The following MYH11 variants were observed in gnomAD, a reference collection of about 807,000 sequenced individuals.
MYH11 encodes myosin heavy chain 11.
In MYH11, 80 loss-of-function variants were observed where a neutral mutation model predicts 246.6. The observed-to-expected ratio is 0.32, with a 90% CI of 0.27 to 0.39. The LOEUF (loss-of-function observed/expected upper bound fraction) is 0.39, where lower values mean the gene tolerates loss of function less well. Among genes scored for constraint, MYH11 ranks in the 10% least tolerant of loss-of-function variants. MYH11 has a pLI of 1.00. For synonymous variants in MYH11, 1,071 were observed against 1,015.5 expected, an observed-to-expected ratio of 1.05 and a Z score of -1.04; for missense variants, 2,158 against 2,546.8, an observed-to-expected ratio of 0.85 and a Z score of 3.29.
rs767851663 is a variant in MYH11, at chr16:15,720,324, A to G, written c.4792-12T>C. ...TCATACTCGTGAAGCTGGGCGAGGA[A>G]TAGAGATGTGTGCTGCCCCACTTGC... On this transcript the variant is annotated splice_polypyrimidine_tract_variant and intron_variant, in intron 33 of 40. Transcript: ENST00000300036. 9.9e-6 allele frequency: 16 copies of G among 1,612,548 alleles called. No individual in the cohort carries two copies. The South Asian group carries it at 1.3e-4, about 13-fold the overall frequency.
intron 9 of MYH11, among the ~76,000 whole-genome samples, chr16:15,765,156 GATGA>G (rs2041954062): frequency 6.6e-6 from 1 of 152,192 alleles, no homozygotes; most frequent in Non-Finnish European, 1.5e-5. Context: ...TGGATGGATG[GATGA>G]ATGAATAAAT....
rs534870685 is a variant in MYH11 at position 15,733,101 on chromosome 16, G to A, written c.3507-393C>T. 5 of 278,944 alleles carry A rather than the reference G, an allele frequency of 1.8e-5. No homozygotes were observed. In the South Asian group the frequency reaches 1.8e-4, roughly 10 times the overall value. The allele number at this position is 278,944 out of a possible 1,614,324, so 17.3% of individuals were successfully genotyped here. On this transcript the variant is annotated intron_variant, in intron 26 of 40. Coordinates refer to ENST00000300036, the MANE Select transcript of MYH11 (RefSeq NM_002474.3). ...TCCTCAGAGCAACCCAAAGAGGCAGGTGTGTTATTATTTCCATTTTACAAA... is the reference window on the plus strand; with the variant it reads ...TCCTCAGAGCAACCCAAAGAGGCAGATGTGTTATTATTTCCATTTTACAAA...
At chr16:15,853,164 G>C (rs1038111195) in intron 1 of MYH11, among the ~76,000 whole-genome samples, 1 of 151,242 alleles carries the variant, frequency 6.6e-6, no homozygotes, top group Non-Finnish European at 1.5e-5. Context: ...CCTTTTTTTT[G>C]AGACAGAGTC....
chr16:15,734,189 TACAC>T, intron 26 of MYH11, among the ~76,000 whole-genome samples: 1 of 152,228 alleles, frequency 6.6e-6, no homozygotes. Flanking sequence ...ACAAAAGTGA[TACAC>T]ACACATACTT....
At chr16:15,766,344 G>GGT (rs3073439) in intron 9 of MYH11, among the ~76,000 whole-genome samples, 10,667 of 136,584 alleles carry the variant, frequency 0.078, 416 homozygotes, top group South Asian at 0.12. Flanking sequence ...CATGTTTTTT[G>GGT]GTGTGTGTGT....
chr16:15,784,713 G>C, intron 5 of MYH11: 1 of 1,613,862 alleles, frequency 6.2e-7, no homozygotes, highest in South Asian at 1.1e-5. Context: ...CAAAAGATGG[G>C]CCTTGCTGTG....
rs755544024 is a variant in MYH11 at position 15,759,684 on chromosome 16, G to T, written c.1293C>A (p.Arg431=). The T allele has an allele frequency of 3.1e-6, 5 of 1,614,216 alleles. No homozygotes were observed. Among genetic ancestry groups the T allele is most frequent in the South Asian group, 1.1e-5 (1 of 91,084 alleles). The change falls in exon 12 of 41, where the codon CGC becomes CGA. Residue 431 remains arginine (R), a synonymous_variant. Transcript: ENST00000300036. The part of the protein sequence containing the change: ...VEALAKATYE[R]LFRWILTRVN... ...CGCGGGTGAGTATCCAGCGGAAAAG[G>T]CGCTCATATGTTGCCTTGGCCAAAG...
chr16:15,718,533 T>C (rs2040294329), intron 36 of MYH11, 95 bp from the exon 37 acceptor site: 7 of 1,475,468 alleles, frequency 4.7e-6, no homozygotes, highest in Non-Finnish European at 6.3e-6. Context: ...ATTGCCCTCA[T>C]CATCTAATGG....
intron 1 of MYH11, among the ~76,000 whole-genome samples, chr16:15,846,448 C>G (rs215576): frequency 0.81 from 123,935 of 152,158 alleles, 51,462 homozygotes; most frequent in Non-Finnish European, 0.9. Flanking sequence ...AATGAGTCTC[C>G]GGTGTGCAAT....
intron 8 of MYH11, among the ~76,000 whole-genome samples, chr16:15,772,204 G>C (rs542156703): frequency 2.8e-4 from 41 of 143,920 alleles, no homozygotes; most frequent in Admixed American, 1.8e-3. Flanking sequence ...CGATTCTCCT[G>C]CCTCAACCTC....
chr16:15,790,659 T>C (rs1403403972), intron 4 of MYH11, among the ~76,000 whole-genome samples: 3 of 152,166 alleles, frequency 2.0e-5, no homozygotes, highest in Non-Finnish European at 4.4e-5. Flanking sequence ...CCTAAACTCC[T>C]TTCTTATTTC....
chr16:15,756,659 C>G, intron 13 of MYH11, 145 bp from the exon 14 acceptor site: 1 of 837,198 alleles, frequency 1.2e-6, no homozygotes, highest in African/African-American at 1.7e-5. Flanking sequence ...GTTTATGACC[C>G]CCATGCTTCC....
At chr16:15,807,570 G>C (rs1596874670) in intron 3 of MYH11, among the ~76,000 whole-genome samples, 1 of 152,054 alleles carries the variant, frequency 6.6e-6, no homozygotes, top group East Asian at 1.9e-4. Flanking sequence ...GCCTGGGACA[G>C]AAGCTCCAAA....
intron 3 of MYH11, among the ~76,000 whole-genome samples, chr16:15,808,615 G>A (rs1298095484): frequency 6.6e-5 from 10 of 152,226 alleles, no homozygotes; most frequent in Non-Finnish European, 1.5e-4. Flanking sequence ...AGCAGAACTG[G>A]GCTGGGCATA....
intron 3 of MYH11, among the ~76,000 whole-genome samples, chr16:15,815,128 A>G (rs372030156): frequency 3.9e-4 from 59 of 152,352 alleles, no homozygotes; most frequent in African/African-American, 1.3e-3. Context: ...AGCCAAGCAC[A>G]TCAGCAAGCC....
intron 1 of MYH11, among the ~76,000 whole-genome samples, chr16:15,851,504 G>A (rs927790557): frequency 2.6e-5 from 4 of 152,088 alleles, no homozygotes; most frequent in African/African-American, 9.7e-5. Context: ...GTACAATCCA[G>A]AATCTAATCC....
intron 20 of MYH11, among the ~76,000 whole-genome samples, chr16:15,744,131 A>C (rs1033842793): frequency 2.0e-5 from 3 of 152,118 alleles, no homozygotes; most frequent in Non-Finnish European, 4.4e-5. Context: ...AAAAAAAAAA[A>C]AACCTGCAGT....
At position 15,718,063 on chromosome 16, in the gene MYH11, G is replaced by A. The variant is rs529222753; in HGVS notation, c.5295+252C>T. On this transcript the variant is annotated intron_variant, in intron 37 of 40. Transcript: ENST00000300036. ...CAAGGCCCGGACTCCAGGGATGGCC[G>A]TGAGGTACGGGGAGCCAGCCACGCC... 1.4e-3 allele frequency: 788 copies of A among 581,442 alleles called. 2 individuals carry two copies. Among genetic ancestry groups the A allele is most frequent in the Non-Finnish European group, 2.0e-3 (656 of 328,672 alleles). The allele number at this position is 581,442 out of a possible 1,614,324, so 36.0% of individuals were successfully genotyped here.
At chr16:15,786,351 C>G in intron 5 of MYH11, 1 of 566,522 alleles carries the variant, frequency 1.8e-6, no homozygotes, top group Non-Finnish European at 3.3e-6. Flanking sequence ...CACTGAGAAG[C>G]CCCGACGTGG....
Sources: gnomAD v4.1 joint callset for allele counts (sites outside exome capture counted in the v4.1 genomes callset) on GRCh38, gnomAD v4.1.1 for gene constraint, MANE v1.5 for transcripts, NCBI Gene and HGNC (gene_info 2026-07-23, HGNC 2026-07-21) for gene names.